The following AGBL3 variants were observed in gnomAD, a reference collection of about 807,000 sequenced individuals.
AGBL3 encodes the protein AGBL carboxypeptidase 3, also known as cytosolic carboxypeptidase 3.
AGBL3 carries 68 observed loss-of-function variants against 94.5 expected under a neutral mutation model. That is an observed-to-expected ratio of 0.72 (90% CI 0.59 to 0.88). The LOEUF is 0.88. AGBL3 is among the 40% of genes least tolerant of loss of function. The pLI, the probability that AGBL3 is intolerant of heterozygous loss-of-function variation, is 0.00. For synonymous variants in AGBL3, 354 were observed against 370.7 expected, an observed-to-expected ratio of 0.95 and a Z score of 0.52; for missense variants, 934 against 1,103.8, an observed-to-expected ratio of 0.85 and a Z score of 2.18.
chr7:135,040,933 G>A (rs1816797920), intron 8 of AGBL3, among the ~76,000 whole-genome samples: 1 of 150,610 alleles, frequency 6.6e-6, no homozygotes, highest in Admixed American at 6.6e-5. Flanking sequence ...TTTAAGCAAG[G>A]TCGTAGGATA....
intron 15 of AGBL3, among the ~76,000 whole-genome samples, chr7:135,107,844 T>G (rs1343457542): frequency 1.3e-5 from 2 of 152,216 alleles, no homozygotes; most frequent in Non-Finnish European, 2.9e-5. Context: ...TGTGGGAATC[T>G]AAGTCTTTTT....
intron 4 of AGBL3, among the ~76,000 whole-genome samples, chr7:135,007,935 G>A (rs1034979573): frequency 7.2e-5 from 11 of 151,864 alleles, no homozygotes; most frequent in African/African-American, 1.9e-4. Flanking sequence ...ATACATTTAG[G>A]TAAAGAGTAC....
intron 12 of AGBL3, among the ~76,000 whole-genome samples, chr7:135,072,904 A>G (rs1820068279): frequency 6.6e-6 from 1 of 152,116 alleles, no homozygotes; most frequent in Non-Finnish European, 1.5e-5. Flanking sequence ...CCTAAAACTT[A>G]AAGTATAATA....
intron 15 of AGBL3, among the ~76,000 whole-genome samples, chr7:135,083,970 TG>T (rs140684492): frequency 0.019 from 2,886 of 152,298 alleles, 102 homozygotes; most frequent in African/African-American, 0.065. Flanking sequence ...GTTACCACTA[TG>T]GGGGCCACAG....
In AGBL3 at chr7:135,034,673, C is replaced by T; in HGVS notation, c.1082C>T (p.Ala361Val). 3 of 1,551,572 alleles carry T rather than the reference C, an allele frequency of 1.9e-6. No homozygotes were observed. Among genetic ancestry groups the T allele is most frequent in the Non-Finnish European group, 2.6e-6 (3 of 1,146,926 alleles). ...SRKRKAVILT[A>V]RVHPGETNSS... is the part of the protein sequence containing the mutation. ...AAGCGGAAGGCTGTGATTCTGACTG[C>T]AAGGGTCCATCCAGGGGAAACCAAC... is the stretch of plus-strand genomic sequence containing the variant. The change falls in exon 7 of 17, where the codon GCA (alanine) becomes GTA (valine). Residue 361 changes from alanine to valine, a missense_variant. Coordinates refer to ENST00000436302, the MANE Select transcript of AGBL3 (RefSeq NM_178563.4).
Position 135,134,775 on chromosome 7 carries a change from A to T in AGBL3, c.2343-66A>T. 8.8e-6 allele frequency: 12 copies of T among 1,358,120 alleles called. No homozygotes were observed. The South Asian group carries it at 1.6e-4, about 18-fold the overall frequency. The allele number at this position is 1,358,120 out of a possible 1,614,324, so 84.1% of individuals were successfully genotyped here. ...GAAAAATATTATTTATACTATGACAACATACCTAGGACTACAAAGTAGGTC... is the reference window on the plus strand; with the variant it reads ...GAAAAATATTATTTATACTATGACATCATACCTAGGACTACAAAGTAGGTC... On this transcript the variant is annotated intron_variant, in intron 16 of 16. Coordinates refer to ENST00000436302, the MANE Select transcript of AGBL3 (RefSeq NM_178563.4).
chr7:135,127,948 G>A (rs1828121352), intron 16 of AGBL3, among the ~76,000 whole-genome samples: 1 of 152,112 alleles, frequency 6.6e-6, no homozygotes, highest in African/African-American at 2.4e-5. Flanking sequence ...GTGATAGACT[G>A]GATAAAGAAA....
chr7:135,118,520 CT>C (rs1233661771), intron 16 of AGBL3, among the ~76,000 whole-genome samples: 2 of 152,270 alleles, frequency 1.3e-5, no homozygotes, highest in African/African-American at 4.8e-5. Flanking sequence ...TATCTCCCCA[CT>C]CCCTGAGCTG....
chr7:135,054,632 G>A (rs1344225358), intron 11 of AGBL3, among the ~76,000 whole-genome samples: 2 of 152,084 alleles, frequency 1.3e-5, no homozygotes, highest in Non-Finnish European at 2.9e-5. Flanking sequence ...AACTACTTAT[G>A]TAGTTTCTTA....
intron 15 of AGBL3, among the ~76,000 whole-genome samples, chr7:135,083,761 C>T (rs752192444): frequency 2.4e-4 from 37 of 152,144 alleles, no homozygotes; most frequent in Non-Finnish European, 4.1e-4. Flanking sequence ...ACAACACTGT[C>T]ATTTTTAAAG....
At chr7:135,030,866 C>A (rs537541809) in intron 5 of AGBL3, among the ~76,000 whole-genome samples, 4 of 152,062 alleles carry the variant, frequency 2.6e-5, no homozygotes, top group East Asian at 1.9e-4. Flanking sequence ...TATAAATTGG[C>A]AAATTATAGT....
At position 135,012,051 on chromosome 7, in the gene AGBL3, T is replaced by C. The variant is rs1371183552; in HGVS notation, c.311-5001T>C. On this transcript the variant is annotated intron_variant, in intron 4 of 16. Coordinates refer to ENST00000436302, the MANE Select transcript of AGBL3 (RefSeq NM_178563.4). The stretch of plus-strand genomic sequence containing the variant: ...AAATAGAAATTGATAAATTGTAACA[T>C]TTTGTACAATATTATATATCAATGA... 4 of 152,166 alleles carry C rather than the reference T, an allele frequency of 2.6e-5. 1 individual carries two copies. In the South Asian group the frequency reaches 8.3e-4, roughly 31 times the overall value. 9.4% of individuals were successfully genotyped at this position (152,166 alleles called of 1,614,324 possible). A position where few individuals can be genotyped will look rare whatever the true frequency, so the allele number is the denominator to read the frequency against.
intron 4 of AGBL3, among the ~76,000 whole-genome samples, chr7:135,015,959 A>C (rs560904162): frequency 6.7e-6 from 1 of 150,360 alleles, no homozygotes; most frequent in African/African-American, 2.5e-5. Context: ...TGAACCCGGG[A>C]GGCGGAGCTT....
chr7:135,115,604 C>T lies in AGBL3; in HGVS notation c.2335C>T (p.Gln779Ter). 6.5e-7 allele frequency: 1 copy of T among 1,544,038 alleles called. No individual in the cohort carries two copies. Among genetic ancestry groups the T allele is most frequent in the Non-Finnish European group, 8.8e-7 (1 of 1,140,920 alleles). ...CAATCCAAGAACCAACTTCCAAATCCAACATCAGTAAGTCAATACAATTTT... is the reference window on the plus strand; with the variant it reads ...CAATCCAAGAACCAACTTCCAAATCTAACATCAGTAAGTCAATACAATTTT... Reference protein sequence around the residue: ...LFNPRTNFQIQHQLNPATCRN... With the variant: ...LFNPRTNFQI The change falls in exon 16 of 17, where the codon CAA becomes TAA. Residue 779 changes from glutamine to a stop codon, truncating the protein, a stop_gained. Transcript: ENST00000436302. LOFTEE classifies it low-confidence loss of function (END_TRUNC).
intron 11 of AGBL3, among the ~76,000 whole-genome samples, chr7:135,048,779 G>A (rs1817610678): frequency 2.6e-5 from 4 of 151,038 alleles, no homozygotes; most frequent in Non-Finnish European, 4.4e-5. Flanking sequence ...GGAGTCCATA[G>A]GGTTTTCTAT....
intron 4 of AGBL3, among the ~76,000 whole-genome samples, chr7:135,000,796 C>T (rs1236133710): frequency 2.0e-5 from 3 of 152,076 alleles, no homozygotes; most frequent in Non-Finnish European, 2.9e-5. Flanking sequence ...GTCCAAATTC[C>T]GGCAGTCACT....
At chr7:135,006,726 G>A (rs112747633) in intron 4 of AGBL3, among the ~76,000 whole-genome samples, 1 of 151,874 alleles carries the variant, frequency 6.6e-6, no homozygotes, top group African/African-American at 2.4e-5. Flanking sequence ...CCCTTGCAAA[G>A]AAGTTATGTG....
Position 135,076,454 on chromosome 7 carries a change from G to A in AGBL3, c.1966G>A (p.Ala656Thr), listed in dbSNP as rs1271844576. 1.3e-6 allele frequency: 2 copies of A among 1,548,526 alleles called. No individual in the cohort carries two copies. The highest frequency in any genetic ancestry group is 1.7e-6 in the Non-Finnish European group (2 of 1,144,506). Reference protein sequence around the residue: ...RNSTIASHQNARGQEVYDRGH... With the variant: ...RNSTIASHQNTRGQEVYDRGH... ...TTCTACCATAGCAAGCCACCAAAAT[G>A]CCAGAGGACAAGAGGTAAATCTTCA... is the stretch of plus-strand genomic sequence containing the variant. Residue 656 changes from alanine (A) to threonine (T), a missense_variant, in exon 13 of 17, where the codon GCC becomes ACC. Physicochemically the swap from Ala to Thr is moderately conservative, Grantham distance 58. This residue lies in a region of AGBL3 where 441 missense variants were observed against 518.2 expected (regional missense o/e 0.85). Transcript: ENST00000436302.
At chr7:135,060,160 A>T (rs968222464) in intron 12 of AGBL3, among the ~76,000 whole-genome samples, 9 of 152,160 alleles carry the variant, frequency 5.9e-5, no homozygotes, top group Non-Finnish European at 1.5e-5. Context: ...TTTTCCAGTG[A>T]CCCAAGTCTA....
Sources: gnomAD v4.1 joint callset for allele counts (sites outside exome capture counted in the v4.1 genomes callset) on GRCh38, gnomAD v4.1.1 for gene constraint, gnomAD v4.1.1 regional missense constraint, MANE v1.5 for transcripts, NCBI Gene and HGNC (gene_info 2026-07-23, HGNC 2026-07-21) for gene names.